The following ZSWIM6 variants were observed in gnomAD, a reference collection of about 807,000 sequenced individuals.
The protein encoded by ZSWIM6 is zinc finger SWIM domain-containing protein 6.
Under a neutral mutation model 113.2 loss-of-function variants are expected in ZSWIM6, and 9 were observed. The ratio of observed to expected loss-of-function variants is 0.08; its 90% CI spans 0.05 to 0.14. The LOEUF is 0.14. Ranked by LOEUF, ZSWIM6 falls within the 10% of genes least tolerant of loss-of-function variation. The probability of loss-of-function intolerance (pLI) is 1.00; values close to 1 mark genes in which losing one functional copy is unlikely to be tolerated. For missense variants in ZSWIM6, 1,162 were observed against 1,552.2 expected, an observed-to-expected ratio of 0.75 and a Z score of 4.22; for synonymous variants, 611 against 606.5, an observed-to-expected ratio of 1.01 and a Z score of -0.11.
chr5:61,351,768 C>T (rs1458081157), intron 1 of ZSWIM6, among the ~76,000 whole-genome samples: 1 of 152,112 alleles, frequency 6.6e-6, no homozygotes, highest in Non-Finnish European at 1.5e-5. Flanking sequence ...AAGCATTTCC[C>T]CCCTTTCTGA....
chr5:61,467,040 A>G (rs928187437), intron 1 of ZSWIM6, among the ~76,000 whole-genome samples: 31 of 152,298 alleles, frequency 2.0e-4, no homozygotes, highest in African/African-American at 6.7e-4. Context: ...TTGACCTACT[A>G]TAAGAGCTAA....
intron 1 of ZSWIM6, among the ~76,000 whole-genome samples, chr5:61,358,029 GT>G (rs1744955563): frequency 6.6e-6 from 1 of 152,156 alleles, no homozygotes; most frequent in Non-Finnish European, 1.5e-5. Flanking sequence ...TCCCTGGATG[GT>G]TTTTCTTATC....
rs979300741 is a variant in ZSWIM6, at chr5:61,541,964, C to T, written c.2784C>T (p.Val928=). The change falls in exon 13 of 14, where the codon GTC becomes GTT. Residue 928 remains valine, a splice_region_variant and synonymous_variant. Transcript: ENST00000252744. ...GGCTGGTAACGTGTGCTACTGAAGT[C>T]GGTAGGTAAACTCTGGAACAGAAGC... ...VRWLVTCATE[V]GVYALDSIMQ... 1.6e-5 allele frequency: 25 copies of T among 1,549,302 alleles called. No homozygotes were observed. The highest frequency in any genetic ancestry group is 2.4e-5 in the South Asian group (2 of 83,822).
At chr5:61,343,032 C>T (rs1417819148) in intron 1 of ZSWIM6, among the ~76,000 whole-genome samples, 2 of 152,162 alleles carry the variant, frequency 1.3e-5, no homozygotes, top group African/African-American at 4.8e-5. Flanking sequence ...CGTATATATG[C>T]AGCAAAGTTA....
chr5:61,346,871 A>G (rs960923459), intron 1 of ZSWIM6, among the ~76,000 whole-genome samples: 1 of 152,204 alleles, frequency 6.6e-6, no homozygotes, highest in Non-Finnish European at 1.5e-5. Context: ...ACTGTGGGGG[A>G]AAAAGCCGTT....
chr5:61,356,751 A>T (rs1320247753), intron 1 of ZSWIM6, among the ~76,000 whole-genome samples: 55 of 139,350 alleles, frequency 3.9e-4, no homozygotes, highest in South Asian at 6.4e-4. Flanking sequence ...ATATATATAT[A>T]TTATATATAA....
At chr5:61,450,935 G>T (rs1399929834) in intron 1 of ZSWIM6, among the ~76,000 whole-genome samples, 1 of 152,144 alleles carries the variant, frequency 6.6e-6, no homozygotes, top group East Asian at 1.9e-4. Context: ...TTAAATTGAG[G>T]TTTGTTTATT....
rs573505774 is a variant in ZSWIM6, at chr5:61,360,450, A to T, written c.676+27502A>T. Among the ~76,000 whole-genome samples, 5 of 152,380 alleles carry T rather than the reference A, an allele frequency of 3.3e-5. No individual in the cohort carries two copies. The South Asian group carries it at 1.0e-3, about 32-fold the overall frequency. ...TTGCTTTGCAGATGTGGAAATAGGCATGGAGAAGGTAAGTAGTTCTCCTAA... is the reference window on the plus strand; with the variant it reads ...TTGCTTTGCAGATGTGGAAATAGGCTTGGAGAAGGTAAGTAGTTCTCCTAA... On this transcript the variant is annotated intron_variant, in intron 1 of 13. Transcript: ENST00000252744.
Position 61,406,037 on chromosome 5 carries a change from A to G in ZSWIM6, c.677-66644A>G, listed in dbSNP as rs77155440. On this transcript the variant is annotated intron_variant, in intron 1 of 13. Transcript: ENST00000252744. ...TTCAGTAGACAGCCTGAGCTGCATT[A>G]GGGTCTTCTGCATCTCAGGGTTGGA... Among the ~76,000 whole-genome samples the G allele has an allele frequency of 8.0e-4, 122 of 152,328 alleles. No homozygotes were observed. In the East Asian group the frequency reaches 0.016, roughly 20 times the overall value.
intron 2 of ZSWIM6, among the ~76,000 whole-genome samples, chr5:61,474,348 A>G (rs1184965767): frequency 6.6e-6 from 1 of 152,224 alleles, no homozygotes; most frequent in African/African-American, 2.4e-5. Context: ...AGCACTGTCT[A>G]ATAGAAATAT....
At chr5:61,458,218 A>G (rs1439748193) in intron 1 of ZSWIM6, among the ~76,000 whole-genome samples, 2 of 152,198 alleles carry the variant, frequency 1.3e-5, no homozygotes, top group African/African-American at 4.8e-5. Context: ...AAATTCTTAA[A>G]AAGCATCCTC....
At chr5:61,426,995 C>A (rs1195525362) in intron 1 of ZSWIM6, among the ~76,000 whole-genome samples, 1 of 152,096 alleles carries the variant, frequency 6.6e-6, no homozygotes, top group Admixed American at 6.6e-5. Flanking sequence ...TATGTAGTTA[C>A]TCTTTTTTCT....
chr5:61,352,005 G>A (rs149728729), intron 1 of ZSWIM6, among the ~76,000 whole-genome samples: 168 of 152,272 alleles, frequency 1.1e-3, no homozygotes, highest in African/African-American at 3.8e-3. Flanking sequence ...CTTCAGTGGC[G>A]TCCCTTTGTT....
intron 1 of ZSWIM6, among the ~76,000 whole-genome samples, chr5:61,399,756 T>G (rs896984093): frequency 6.6e-6 from 1 of 152,220 alleles, no homozygotes; most frequent in African/African-American, 2.4e-5. Context: ...TGAATGAACT[T>G]GTAAGAAGAA....
chr5:61,441,461 C>G (rs1194562115), intron 1 of ZSWIM6, among the ~76,000 whole-genome samples: 1 of 152,062 alleles, frequency 6.6e-6, no homozygotes, highest in Non-Finnish European at 1.5e-5. Flanking sequence ...GTTTTCAATC[C>G]TCCCCCTATA....
intron 9 of ZSWIM6, among the ~76,000 whole-genome samples, chr5:61,531,953 C>G (rs1234131071): frequency 6.6e-6 from 1 of 152,124 alleles, no homozygotes; most frequent in East Asian, 1.9e-4. Context: ...ATATGATAGC[C>G]TATTACAAAA....
At chr5:61,385,296 A>C (rs1041996327) in intron 1 of ZSWIM6, among the ~76,000 whole-genome samples, 4 of 152,206 alleles carry the variant, frequency 2.6e-5, no homozygotes, top group Non-Finnish European at 5.9e-5. Context: ...AGTTTAAAGG[A>C]GTTCTCCCAA....
chr5:61,430,641 G>A (rs1183720439), intron 1 of ZSWIM6, among the ~76,000 whole-genome samples: 115 of 152,240 alleles, frequency 7.6e-4, no homozygotes, highest in African/African-American at 2.5e-3. Context: ...GCAGGAACTT[G>A]AGTGTATGAG....
At chr5:61,455,148 T>G (rs1307946007) in intron 1 of ZSWIM6, among the ~76,000 whole-genome samples, 1 of 152,134 alleles carries the variant, frequency 6.6e-6, no homozygotes, top group South Asian at 2.1e-4. Context: ...AGAAAAGTAA[T>G]TTATAAAAAA....
Sources: gnomAD v4.1 joint callset for allele counts (sites outside exome capture counted in the v4.1 genomes callset) on GRCh38, gnomAD v4.1.1 for gene constraint, MANE v1.5 for transcripts, NCBI Gene and HGNC (gene_info 2026-07-23, HGNC 2026-07-21) for gene names.